Variants in SAG observed in about 807,000 individuals in gnomAD.
SAG encodes the protein S-arrestin.
In SAG, 45 loss-of-function variants were observed where a neutral mutation model predicts 55.0. The observed-to-expected ratio is 0.82, with a 90% CI of 0.64 to 1.05. The LOEUF (loss-of-function observed/expected upper bound fraction) is 1.05, where lower values mean the gene tolerates loss of function less well. Ranked by LOEUF, SAG falls within the 50% of genes least tolerant of loss-of-function variation. SAG has a pLI of 0.00. For synonymous variants in SAG, 189 were observed against 197.4 expected, an observed-to-expected ratio of 0.96 and a Z score of 0.36; for missense variants, 455 against 512.1, an observed-to-expected ratio of 0.89 and a Z score of 1.08.
chr2:233,308,697 G>A (rs1449353101), intron 1 of SAG, among the ~76,000 whole-genome samples: 2 of 152,284 alleles, frequency 1.3e-5, no homozygotes, highest in East Asian at 3.9e-4. Flanking sequence ...AGAATGTTGA[G>A]ATGACAGGTG....
In SAG at chr2:233,321,482, A is replaced by C. The variant is rs188648669; in HGVS notation, c.375+659A>C. ...ACCATGGATGAATCCTGAATACATT[A>C]TACTAAATGAAAGGACCCAGACACA... On this transcript the variant is annotated intron_variant, in intron 5 of 15. Coordinates refer to ENST00000409110, the MANE Select transcript of SAG (RefSeq NM_000541.5). Among the ~76,000 whole-genome samples the C allele has an allele frequency of 1.6e-3, 249 of 152,372 alleles. 2 individuals are homozygous for C. The highest frequency in any genetic ancestry group is 5.7e-3 in the African/African-American group (238 of 41,592).
chr2:233,341,816 T>C (rs1350880545), intron 13 of SAG, among the ~76,000 whole-genome samples: 1 of 152,144 alleles, frequency 6.6e-6, no homozygotes, highest in African/African-American at 2.4e-5. Flanking sequence ...TGCCACCGAA[T>C]TGTGCACTTT....
intron 11 of SAG, among the ~76,000 whole-genome samples, chr2:233,337,839 A>T (rs1033015013): frequency 2.0e-5 from 3 of 152,172 alleles, no homozygotes; most frequent in African/African-American, 7.2e-5. Context: ...GTTATTGGAC[A>T]TCCTGGAGTA....
intron 7 of SAG, 111 bp downstream of exon 7, chr2:233,327,308 C>T (rs1700592306): frequency 1.2e-6 from 1 of 806,160 alleles, no homozygotes; most frequent in Admixed American, 2.0e-5. Context: ...GCTGGCACGG[C>T]TGGGGTACCA....
rs1701068052 is a variant in SAG at position 233,340,595 on chromosome 2, G to A, written c.1046+117G>A. 1.3e-6 allele frequency: 1 copy of A among 790,844 alleles called. No individual in the cohort carries two copies. 49.0% of individuals were successfully genotyped at this position (790,844 alleles called of 1,614,324 possible). ...TTTCTGGACAGTTGTGCTCAGAGGT[G>A]TTAGGAATGATGCTTTGCCTTCGGA... On this transcript the variant is annotated intron_variant, in intron 13 of 15. Coordinates refer to ENST00000409110, the MANE Select transcript of SAG (RefSeq NM_000541.5). This position sits in a 1 kb window ranked among gnomAD's most constrained non-coding sequence, Gnocchi z 4.2.
Position 233,346,903 on chromosome 2 carries a change from T to C in SAG, c.1209T>C (p.Val403=). 1 of 1,592,400 alleles carries C rather than the reference T, an allele frequency of 6.3e-7. No homozygotes were observed. The highest frequency in any genetic ancestry group is 8.6e-7 in the Non-Finnish European group (1 of 1,161,262). ...AGGGGAAGAGAGACAAGAATGACGT[T>C]GATGAGTGAAGATGTCGGCTCAGGA... ...AEEGKRDKND[V]DE Residue 403 remains valine (V), a synonymous_variant, in exon 16 of 16, where the codon GTT becomes GTC. Coordinates refer to ENST00000409110, the MANE Select transcript of SAG (RefSeq NM_000541.5).
At chr2:233,338,780 G>T (rs747868140) in intron 12 of SAG, 27 bp downstream of exon 12, 5 of 1,595,408 alleles carry the variant, frequency 3.1e-6, no homozygotes, top group Non-Finnish European at 4.3e-6. Flanking sequence ...CAACCCTCGG[G>T]CTGCTCTGTC....
At chr2:233,310,506 C>CTT (rs967605903) in intron 2 of SAG, among the ~76,000 whole-genome samples, 1,246 of 115,366 alleles carry the variant, frequency 0.011, 36 homozygotes, top group East Asian at 0.018. Context: ...ATCATTCTGG[C>CTT]TTTTTTTTTT....
Position 233,307,976 on chromosome 2 carries a change from C to G in SAG, c.-75C>G, listed in dbSNP as rs1174553772. 6.6e-6 allele frequency: 1 copy of G among 152,516 alleles called. No individual in the cohort carries two copies. Among genetic ancestry groups the G allele is most frequent in the Non-Finnish European group, 1.5e-5 (1 of 68,176 alleles). The allele number at this position is 152,516 out of a possible 1,614,324, so 9.4% of individuals were successfully genotyped here. ...CATCATCTCAGAGCATAGAGACCCT[C>G]TCCTTGCCACCCGGCCCTTCCCACC... On this transcript the variant is annotated 5_prime_UTR_variant, in exon 1 of 16. Transcript: ENST00000409110.
In SAG at chr2:233,319,178, G is replaced by A. The variant is rs1403411351; in HGVS notation, c.181+383G>A. Reference sequence around the variant, plus strand: ...AGGACACAAGACCTTGAATGAATGAGGGGCGAGTGAGTGGGCAGTGTTTCT... The same window carrying A: ...AGGACACAAGACCTTGAATGAATGAAGGGCGAGTGAGTGGGCAGTGTTTCT... On this transcript the variant is annotated intron_variant, in intron 4 of 15. Transcript: ENST00000409110. This position sits in a 1 kb window ranked among gnomAD's most constrained non-coding sequence, Gnocchi z 4.4. 1.3e-5 allele frequency among the ~76,000 whole-genome samples: 2 copies of A among 152,120 alleles called. No individual in the cohort carries two copies. Among genetic ancestry groups the A allele is most frequent in the Non-Finnish European group, 2.9e-5 (2 of 68,020 alleles).
intron 1 of SAG, among the ~76,000 whole-genome samples, chr2:233,308,257 C>T (rs1342212623): frequency 1.3e-5 from 2 of 152,060 alleles, no homozygotes; most frequent in African/African-American, 2.4e-5. Flanking sequence ...GCCAGGAATT[C>T]GAGACCAACT....
Position 233,346,433 on chromosome 2 carries a change from T to G in SAG, c.1112+21T>G, listed in dbSNP as rs76175654. On this transcript the variant is annotated intron_variant, in intron 15 of 15. Coordinates refer to ENST00000409110, the MANE Select transcript of SAG (RefSeq NM_000541.5). ...GAAAGGTGAGTGAGCCTCTTGAATG[T>G]GGCCCTGATTTGTCCTATGCTCTGG... 8,834 of 1,613,394 alleles carry G rather than the reference T, an allele frequency of 5.5e-3. 121 individuals are homozygous for G. Among genetic ancestry groups the G allele is most frequent in the Non-Finnish European group, 4.2e-3 (4,984 of 1,179,330 alleles).
Position 233,316,125 on chromosome 2 carries a change from C to G in SAG, c.126C>G (p.Val42=). Residue 42 remains valine (V), a synonymous_variant, in exon 3 of 16, where the codon GTC becomes GTG. Transcript: ENST00000409110. Reference sequence around the variant, plus strand: ...ACTACATAGACCATGTCAGCCAAGTCCAGCCTGTGGGTAAGTTGCTTGGAG... The same window carrying G: ...ACTACATAGACCATGTCAGCCAAGTGCAGCCTGTGGGTAAGTTGCTTGGAG... ...NRDYIDHVSQ[V]QPVDGVVLVD... is the part of the protein sequence containing the mutation. 6.3e-7 allele frequency: 1 copy of G among 1,590,648 alleles called. No homozygotes were observed. The highest frequency in any genetic ancestry group is 8.6e-7 in the Non-Finnish European group (1 of 1,163,952).
At chr2:233,330,034 G>C (rs1390017222) in intron 9 of SAG, among the ~76,000 whole-genome samples, 1 of 152,218 alleles carries the variant, frequency 6.6e-6, no homozygotes, top group African/African-American at 2.4e-5. Context: ...GGTGAAGTGT[G>C]ACTGTCTCGG....
At position 233,319,665 on chromosome 2, in the gene SAG, C is replaced by T; in HGVS notation, c.181+870C>T. 1.0e-6 allele frequency: 1 copy of T among 986,072 alleles called. No homozygotes were observed. The highest frequency in any genetic ancestry group is 4.7e-5 in the South Asian group (1 of 21,308). 61.1% of individuals were successfully genotyped at this position (986,072 alleles called of 1,614,324 possible). On this transcript the variant is annotated intron_variant, in intron 4 of 15. Transcript: ENST00000409110. This position sits in a 1 kb window ranked among gnomAD's most constrained non-coding sequence, Gnocchi z 4.4. ...CCTTCCTCCTGGGTGCCCTGCTCCT[C>T]TCTGGACCAGGAGGCATCTGGTTTG... is the stretch of plus-strand genomic sequence containing the variant.
chr2:233,331,951 G>A (rs771073738), intron 10 of SAG: 13 of 526,212 alleles, frequency 2.5e-5, no homozygotes, highest in Admixed American at 1.4e-4. Flanking sequence ...AAAGAATGAC[G>A]CAGAGGAGAG....
intron 9 of SAG, among the ~76,000 whole-genome samples, chr2:233,331,168 A>T (rs534597601): frequency 6.6e-6 from 1 of 152,328 alleles, no homozygotes; most frequent in Non-Finnish European, 1.5e-5. Context: ...GGGGAAACTG[A>T]GGCTTAGAAT....
intron 7 of SAG, chr2:233,328,262 C>G (rs1021237669): frequency 1.3e-5 from 6 of 475,348 alleles, no homozygotes; most frequent in Admixed American, 7.4e-5. Flanking sequence ...CCCACAGCTT[C>G]CCCCACAGGG....
intron 14 of SAG, chr2:233,344,773 A>G (rs1175444296): frequency 6.6e-6 from 1 of 152,208 alleles, no homozygotes; most frequent in South Asian, 2.1e-4. Context: ...AGCATAAGCT[A>G]TATGTAGTTA....
Sources: gnomAD v4.1 joint callset for allele counts (sites outside exome capture counted in the v4.1 genomes callset) on GRCh38, gnomAD v4.1.1 for gene constraint, Gnocchi (gnomAD v3.1) non-coding constraint, MANE v1.5 for transcripts, NCBI Gene and HGNC (gene_info 2026-07-23, HGNC 2026-07-21) for gene names.